Variants in TFEC observed in about 807,000 individuals in gnomAD.
TFEC encodes the protein class E basic helix-loop-helix protein 34.
TFEC carries 31 observed loss-of-function variants against 41.6 expected under a neutral mutation model. That is an observed-to-expected ratio of 0.74 (90% CI 0.56 to 1.01). The LOEUF (loss-of-function observed/expected upper bound fraction) is 1.01, where lower values mean the gene tolerates loss of function less well. Among genes scored for constraint, TFEC ranks in the 50% least tolerant of loss-of-function variants. The pLI is 0.00. For synonymous variants in TFEC, 143 were observed against 140.6 expected, an observed-to-expected ratio of 1.02 and a Z score of -0.12; for missense variants, 402 against 404.1, an observed-to-expected ratio of 0.99 and a Z score of 0.04.
chr7:116,031,880 G>A (rs187816241), upstream of TFEC, among the ~76,000 whole-genome samples: 65 of 152,146 alleles, frequency 4.3e-4, no homozygotes, highest in Admixed American at 3.5e-3. Context: ...AATGGAAATA[G>A]TAAATAATTA....
At chr7:116,059,152 C>T (rs1796495607) in intron 3 of TFEC, among the ~76,000 whole-genome samples, 1 of 151,730 alleles carries the variant, frequency 6.6e-6, no homozygotes, top group Admixed American at 6.6e-5. Context: ...AAATACAAAT[C>T]ACCCAATAAG....
At chr7:115,967,016 T>C (rs1792886707) in intron 3 of TFEC, among the ~76,000 whole-genome samples, 1 of 151,790 alleles carries the variant, frequency 6.6e-6, no homozygotes, top group African/African-American at 2.4e-5. Context: ...CATTATAGTA[T>C]GTATTTACCA....
intron 3 of TFEC, among the ~76,000 whole-genome samples, chr7:116,081,015 G>GTGTGTGTGTGTGTA (rs1562962557): frequency 8.1e-5 from 12 of 147,680 alleles, no homozygotes; most frequent in African/African-American, 2.7e-4. Flanking sequence ...GTGTGTGTGT[G>GTGTGTGTGTGTGTA]TATAAATATA....
intron 3 of TFEC, among the ~76,000 whole-genome samples, chr7:116,079,614 A>G (rs1797041743): frequency 6.6e-6 from 1 of 152,114 alleles, no homozygotes; most frequent in Admixed American, 6.6e-5. Flanking sequence ...TTAGAAATAT[A>G]CCTAACCAAG....
intron 5 of TFEC, 124 bp downstream of exon 5, chr7:115,954,462 A>T: frequency 1.7e-6 from 1 of 593,888 alleles, no homozygotes; most frequent in Non-Finnish European, 2.8e-6. Flanking sequence ...AAATCAAGTT[A>T]TATGTGCAAT....
intron 3 of TFEC, among the ~76,000 whole-genome samples, chr7:116,104,976 T>C (rs939948370): frequency 6.6e-6 from 1 of 152,176 alleles, no homozygotes; most frequent in Admixed American, 6.5e-5. Context: ...TGCCTTCTCA[T>C]GTTCCATAAG....
chr7:116,035,063 C>A (rs1023541749), upstream of TFEC, among the ~76,000 whole-genome samples: 1 of 151,822 alleles, frequency 6.6e-6, no homozygotes, highest in Non-Finnish European at 1.5e-5. Context: ...GGAAAGACAG[C>A]TTCACGAAGA....
intron 3 of TFEC, among the ~76,000 whole-genome samples, chr7:116,039,490 CT>C (rs1289718918): frequency 6.6e-6 from 1 of 150,926 alleles, no homozygotes; most frequent in Admixed American, 6.6e-5. Flanking sequence ...GATTCTTGTT[CT>C]CAAGATATAT....
At chr7:116,051,124 A>G (rs147083609) in intron 3 of TFEC, among the ~76,000 whole-genome samples, 115 of 152,244 alleles carry the variant, frequency 7.6e-4, no homozygotes, top group African/African-American at 2.4e-3. Flanking sequence ...AGGGTGGGGA[A>G]CATCACACAC....
chr7:116,030,447 A>G (rs1479444644), intron 1 of TFEC, among the ~76,000 whole-genome samples, 186 bp downstream of exon 1: 1 of 152,238 alleles, frequency 6.6e-6, no homozygotes, highest in East Asian at 1.9e-4. Flanking sequence ...AGTTTCAGAC[A>G]TATTTTCCCC....
chr7:116,062,999 T>C (rs1225027515), intron 3 of TFEC, among the ~76,000 whole-genome samples: 1 of 152,160 alleles, frequency 6.6e-6, no homozygotes, highest in East Asian at 1.9e-4. Context: ...GACACAAATA[T>C]TTATAAAAGC....
chr7:116,113,468 A>T (rs1285193437), intron 1 of TFEC, among the ~76,000 whole-genome samples: 1 of 151,944 alleles, frequency 6.6e-6, no homozygotes, highest in Non-Finnish European at 1.5e-5. Flanking sequence ...TTGATTTGAG[A>T]ATTCTGGCCT....
At chr7:116,091,706 A>T (rs1797332299) in intron 3 of TFEC, among the ~76,000 whole-genome samples, 1 of 152,180 alleles carries the variant, frequency 6.6e-6, no homozygotes, top group Non-Finnish European at 1.5e-5. Flanking sequence ...AAAAATAACA[A>T]GAACTCAAAT....
chr7:115,986,496 A>G (rs1199350968), intron 1 of TFEC, among the ~76,000 whole-genome samples: 1 of 152,184 alleles, frequency 6.6e-6, no homozygotes, highest in Non-Finnish European at 1.5e-5. Flanking sequence ...CAAAAGCTCC[A>G]TAACACATGC....
rs1425971311 is a variant in TFEC, at chr7:115,937,006, A to G, written c.*3545T>C. The G allele has an allele frequency of 1.3e-5, 2 of 151,618 alleles. No homozygotes were observed. The highest frequency in any genetic ancestry group is 1.3e-4 in the Admixed American group (2 of 15,194). The allele number at this position is 151,618 out of a possible 1,614,324, so 9.4% of individuals were successfully genotyped here. ...GAAAAATTCAAGAAGAAAAGGCACT[A>G]AAGAAAAAAATTGTAAAGAGCTGTA... is the stretch of plus-strand genomic sequence containing the variant. On this transcript the variant is annotated 3_prime_UTR_variant, in exon 8 of 8. Transcript: ENST00000265440.
chr7:116,078,081 T>C (rs1797002153), intron 3 of TFEC, among the ~76,000 whole-genome samples: 1 of 152,054 alleles, frequency 6.6e-6, no homozygotes, highest in Non-Finnish European at 1.5e-5. Context: ...AAATACTCTC[T>C]CAGGCTGCAG....
At chr7:115,957,876 G>C (rs2130440169) in intron 3 of TFEC, among the ~76,000 whole-genome samples, 1 of 151,774 alleles carries the variant, frequency 6.6e-6, no homozygotes, top group Non-Finnish European at 1.5e-5. Context: ...TATGAAGAAA[G>C]GACATATTAT....
chr7:115,988,822 T>C (rs1584646516), intron 1 of TFEC, among the ~76,000 whole-genome samples: 1 of 150,110 alleles, frequency 6.7e-6, no homozygotes, highest in Admixed American at 6.6e-5. Context: ...GTACAGAAAA[T>C]CAAAGATAAA....
At chr7:115,947,136 G>T (rs1791632708) in intron 6 of TFEC, among the ~76,000 whole-genome samples, 1 of 136,712 alleles carries the variant, frequency 7.3e-6, no homozygotes, top group African/African-American at 2.8e-5. Flanking sequence ...TGCTCCCATT[G>T]TTCAATTCCC....
Sources: gnomAD v4.1 joint callset for allele counts (sites outside exome capture counted in the v4.1 genomes callset) on GRCh38, gnomAD v4.1.1 for gene constraint, MANE v1.5 for transcripts, NCBI Gene and HGNC (gene_info 2026-07-23, HGNC 2026-07-21) for gene names.